Variants in GYG1 observed in about 807,000 individuals in gnomAD.
GYG1 encodes glycogenin-1.
Under a neutral mutation model 41.9 loss-of-function variants are expected in GYG1, and 44 were observed. That is an observed-to-expected ratio of 1.05 (90% CI 0.83 to 1.35). GYG1 has a LOEUF of 1.35. Ranked by LOEUF, GYG1 falls within the 40% of genes most tolerant of loss-of-function variation. GYG1 has a pLI of 0.00. For synonymous variants in GYG1, 141 were observed against 158.1 expected (o/e 0.89, Z 0.81); for missense variants, 429 against 418.9 (o/e 1.02, Z -0.21).
intron 3 of GYG1, 130 bp from the exon 4 acceptor site, chr3:148,996,612 A>G (rs1712807609): frequency 8.4e-7 from 1 of 1,191,568 alleles, no homozygotes; most frequent in Non-Finnish European, 1.2e-6. Flanking sequence ...ATGTCAGGGG[A>G]TGAAGGAGAG....
intron 5 of GYG1, among the ~76,000 whole-genome samples, chr3:149,020,512 T>G (rs1386244500): frequency 1.3e-5 from 2 of 152,244 alleles, no homozygotes; most frequent in African/African-American, 2.4e-5. Flanking sequence ...TCTTCATGCC[T>G]TGGTTTCCTC....
Position 149,024,039 on chromosome 3 carries a change from C to G in GYG1, c.609-14C>G, listed in dbSNP as rs199593097. ...AGAATCCACTAACTGTTTCAACTTG[C>G]GTTCACTTGGCAGGTTTGGTGCAAG... On this transcript the variant is annotated splice_polypyrimidine_tract_variant and intron_variant, in intron 5 of 7. Coordinates refer to ENST00000345003, the MANE Select transcript of GYG1 (RefSeq NM_004130.4). 6.3e-6 allele frequency: 10 copies of G among 1,592,624 alleles called. No homozygotes were observed. Among genetic ancestry groups the G allele is most frequent in the South Asian group, 1.1e-5 (1 of 90,614 alleles).
At chr3:149,005,409 A>G (rs1713338472) in intron 4 of GYG1, among the ~76,000 whole-genome samples, 2 of 152,172 alleles carry the variant, frequency 1.3e-5, no homozygotes, top group Admixed American at 1.3e-4. Context: ...ATTAATGTTT[A>G]TGTTCTTAGT....
intron 4 of GYG1, among the ~76,000 whole-genome samples, chr3:149,000,780 G>A (rs1199025888): frequency 1.3e-5 from 2 of 152,198 alleles, no homozygotes; most frequent in East Asian, 1.9e-4. Context: ...TTTGATTGGT[G>A]TACTGGAATT....
chr3:149,031,563 A>G lies in GYG1; in HGVS notation c.*4630A>G, dbSNP rs1715047516. 6.6e-6 allele frequency: 1 copy of G among 152,548 alleles called. No individual in the cohort carries two copies. The highest frequency in any genetic ancestry group is 2.1e-4 in the South Asian group (1 of 4,834). 9.4% of individuals were successfully genotyped at this position (152,548 alleles called of 1,614,324 possible). A position where few individuals can be genotyped will look rare whatever the true frequency, so the allele number is the denominator to read the frequency against. Reference sequence around the variant, plus strand: ...GTTACATTTAAACAATGAGTGTAGTACTACTTAACTAAAATGGAAAAAATA... The same window carrying G: ...GTTACATTTAAACAATGAGTGTAGTGCTACTTAACTAAAATGGAAAAAATA... On this transcript the variant is annotated 3_prime_UTR_variant, in exon 8 of 8. Transcript: ENST00000345003.
chr3:148,999,176 G>A (rs560000246), intron 4 of GYG1, among the ~76,000 whole-genome samples: 4 of 152,246 alleles, frequency 2.6e-5, no homozygotes, highest in East Asian at 3.9e-4. Context: ...CAGAGTGCTC[G>A]ACTAGGAAGC....
rs761710847 is a variant in GYG1, at chr3:148,994,170, C to T, written c.36C>T (p.Asn12=). 47 of 1,613,004 alleles carry T rather than the reference C, an allele frequency of 2.9e-5. No homozygotes were observed. The East Asian group carries it at 8.9e-4, about 31-fold the overall frequency. The part of the protein sequence containing the change: ...TDQAFVTLTT[N]DAYAKGALVL... Reference sequence around the variant, plus strand: ...AGGCCTTTGTGACACTAACCACAAACGATGCCTACGCCAAAGGTGCCCTGG... The same window carrying T: ...AGGCCTTTGTGACACTAACCACAAATGATGCCTACGCCAAAGGTGCCCTGG... Residue 12 remains asparagine (N), a synonymous_variant, in exon 2 of 8, where the codon AAC becomes AAT. Transcript: ENST00000345003.
chr3:149,010,398 G>A (rs1343832243), intron 5 of GYG1, among the ~76,000 whole-genome samples: 2 of 149,366 alleles, frequency 1.3e-5, no homozygotes, highest in Non-Finnish European at 3.0e-5. Context: ...CATGATCTTG[G>A]CTCACTGCAA....
intron 5 of GYG1, among the ~76,000 whole-genome samples, chr3:149,010,509 T>C (rs113675351): frequency 0.056 from 8,519 of 152,074 alleles, 679 homozygotes; most frequent in African/African-American, 0.18. Context: ...GTATTTTTAG[T>C]GGAGATGGGG....
chr3:149,026,900 C>T lies in GYG1; in HGVS notation c.1020C>T (p.Asn340=). Residue 340 remains asparagine (N), a synonymous_variant, in exon 8 of 8, where the codon AAC becomes AAT. Transcript: ENST00000345003. ...ATATGGGAGCAGATTCCTTTGACAA[C>T]ATCAAGAGGAAACTTGACACTTACC... ...ADYMGADSFD[N]IKRKLDTYLQ 1 of 1,613,358 alleles carries T rather than the reference C, an allele frequency of 6.2e-7. No individual in the cohort carries two copies. Among genetic ancestry groups the T allele is most frequent in the Non-Finnish European group, 8.5e-7 (1 of 1,179,266 alleles).
intron 5 of GYG1, among the ~76,000 whole-genome samples, chr3:149,017,681 C>T (rs575679954): frequency 2.4e-4 from 35 of 146,782 alleles, no homozygotes; most frequent in African/African-American, 6.0e-4. Context: ...CTGCAACCTC[C>T]GCCTCCTCCC....
At chr3:149,009,451 T>C (rs778295282) in intron 5 of GYG1, 49 bp downstream of exon 5, 2 of 1,592,638 alleles carry the variant, frequency 1.3e-6, no homozygotes, top group Non-Finnish European at 8.6e-7. Flanking sequence ...GGGCAGAGAA[T>C]TGGGGTGTAC....
In GYG1 at chr3:149,028,005, G is replaced by A. The variant is rs1714744380; in HGVS notation, c.*1072G>A. Among the ~76,000 whole-genome samples, 1 of 152,156 alleles carries A rather than the reference G, an allele frequency of 6.6e-6. No individual in the cohort carries two copies. Among genetic ancestry groups the A allele is most frequent in the South Asian group, 2.1e-4 (1 of 4,828 alleles). The stretch of plus-strand genomic sequence containing the variant: ...TGATTTAAAATGATAGAATGGAAAA[G>A]CGTATTTATTAAATTTATAGATCAT... On this transcript the variant is annotated 3_prime_UTR_variant, in exon 8 of 8. Coordinates refer to ENST00000345003, the MANE Select transcript of GYG1 (RefSeq NM_004130.4).
intron 6 of GYG1, among the ~76,000 whole-genome samples, chr3:149,025,979 A>C (rs1405060753): frequency 6.6e-6 from 1 of 152,228 alleles, no homozygotes; most frequent in African/African-American, 2.4e-5. Context: ...GCCAAGTGCA[A>C]GGCAAAGGCA....
intron 5 of GYG1, among the ~76,000 whole-genome samples, chr3:149,015,016 A>G (rs564479392): frequency 6.6e-6 from 1 of 152,312 alleles, no homozygotes; most frequent in African/African-American, 2.4e-5. Context: ...GGAATTTCAC[A>G]TAAAACCCAG....
Position 149,030,386 on chromosome 3 carries a change from CAA to C in GYG1, c.*3455_*3456del, listed in dbSNP as rs1044754421. 5.3e-5 allele frequency: 8 copies of C among 151,864 alleles called. No individual in the cohort carries two copies. Among genetic ancestry groups the C allele is most frequent in the South Asian group, 2.1e-4 (1 of 4,810 alleles). 9.4% of individuals were successfully genotyped at this position (151,864 alleles called of 1,614,324 possible). On this transcript the variant is annotated 3_prime_UTR_variant, in exon 8 of 8. Transcript: ENST00000345003. ...CAACATCTAACAGAACTGTACAAAA[CAA>C]AGAGACATTTTTTAAACAACTTGCC...
rs988908733 is a variant in GYG1, at chr3:149,026,589, A to T, written c.879+87A>T. 1.4e-5 allele frequency: 15 copies of T among 1,037,076 alleles called. No individual in the cohort carries two copies. In the Admixed American group the frequency reaches 2.4e-4, roughly 17 times the overall value. The allele number at this position is 1,037,076 out of a possible 1,614,324, so 64.2% of individuals were successfully genotyped here. ...AGAAGTCTTCATTTTGTTAGGAAAA[A>T]ATCATATAATCTATATTTTTGTGTC... On this transcript the variant is annotated intron_variant, in intron 7 of 7. Coordinates refer to ENST00000345003, the MANE Select transcript of GYG1 (RefSeq NM_004130.4).
At chr3:148,995,075 C>T (rs1161215231) in intron 2 of GYG1, among the ~76,000 whole-genome samples, 5 of 152,116 alleles carry the variant, frequency 3.3e-5, no homozygotes, top group South Asian at 2.1e-4. Flanking sequence ...CATGGTGGCG[C>T]GTGCCTGTGA....
chr3:148,998,464 G>C (rs1712926525), intron 4 of GYG1, among the ~76,000 whole-genome samples: 1 of 152,154 alleles, frequency 6.6e-6, no homozygotes, highest in African/African-American at 2.4e-5. Flanking sequence ...TTCCAACAAA[G>C]AATTACCTAG....
Sources: gnomAD v4.1 joint callset for allele counts (sites outside exome capture counted in the v4.1 genomes callset) on GRCh38, gnomAD v4.1.1 for gene constraint, MANE v1.5 for transcripts, NCBI Gene and HGNC (gene_info 2026-07-23, HGNC 2026-07-21) for gene names.